REV1: variants seen among roughly 807,000 people sequenced by gnomAD.
The protein encoded by REV1 is REV1 DNA directed polymerase.
Under a neutral mutation model 137.4 loss-of-function variants are expected in REV1, and 42 were observed. The ratio of observed to expected loss-of-function variants is 0.31; its 90% CI spans 0.24 to 0.40. REV1 has a LOEUF of 0.40. Among genes scored for constraint, REV1 ranks in the 10% least tolerant of loss-of-function variants. The probability of loss-of-function intolerance (pLI) is 1.00; values close to 1 mark genes in which losing one functional copy is unlikely to be tolerated. For missense variants in REV1, 1,282 were observed against 1,490.1 expected (o/e 0.86, Z 2.30); for synonymous variants, 524 against 519.2 (o/e 1.01, Z -0.12).
At chr2:99,424,884 C>T in intron 9 of REV1, 1 of 1,302,134 alleles carries the variant, frequency 7.7e-7, no homozygotes, top group South Asian at 1.2e-5. Context: ...GCCAGGGTTC[C>T]AGAACTTTGA....
chr2:99,483,698 T>C (rs904598679), intron 1 of REV1, among the ~76,000 whole-genome samples: 1 of 152,220 alleles, frequency 6.6e-6, no homozygotes, highest in Non-Finnish European at 1.5e-5. Context: ...CAAGAACATA[T>C]CGTTTTATTT....
chr2:99,459,005 A>G (rs375682750), intron 3 of REV1, among the ~76,000 whole-genome samples: 38 of 152,122 alleles, frequency 2.5e-4, no homozygotes, highest in East Asian at 3.9e-4. Flanking sequence ...TCAGGAGATC[A>G]AGACCATACT....
At chr2:99,466,672 T>C (rs1684835060) in intron 1 of REV1, among the ~76,000 whole-genome samples, 1 of 152,220 alleles carries the variant, frequency 6.6e-6, no homozygotes, top group African/African-American at 2.4e-5. Flanking sequence ...TGCAGAAGTG[T>C]TGTCAAAAGG....
chr2:99,475,338 T>C (rs1685853157), intron 1 of REV1, among the ~76,000 whole-genome samples: 1 of 152,134 alleles, frequency 6.6e-6, no homozygotes, highest in Admixed American at 6.5e-5. Context: ...AAGTAACTTG[T>C]GGAATGCTGA....
intron 12 of REV1, 73 bp downstream of exon 12, chr2:99,418,755 A>T: frequency 7.3e-7 from 1 of 1,373,928 alleles, no homozygotes; most frequent in Non-Finnish European, 9.9e-7. Context: ...GAGGTCTCAC[A>T]GTTCTATATT....
intron 14 of REV1, among the ~76,000 whole-genome samples, chr2:99,409,009 C>A (rs184941537): frequency 6.6e-6 from 1 of 152,132 alleles, no homozygotes; most frequent in Non-Finnish European, 1.5e-5. Context: ...CCACTAAAAG[C>A]TGAGCACAGT....
chr2:99,448,267 C>T (rs892518648), intron 4 of REV1, among the ~76,000 whole-genome samples: 2 of 152,152 alleles, frequency 1.3e-5, no homozygotes, highest in African/African-American at 4.8e-5. Flanking sequence ...ATCTCTCATA[C>T]ACTGATTATA....
intron 3 of REV1, among the ~76,000 whole-genome samples, chr2:99,460,207 G>C (rs1280432743): frequency 1.3e-5 from 2 of 152,128 alleles, no homozygotes; most frequent in African/African-American, 4.8e-5. Context: ...CTCCCGAGTA[G>C]CTGGGACTAC....
intron 1 of REV1, among the ~76,000 whole-genome samples, chr2:99,468,342 C>T (rs530601858): frequency 6.6e-6 from 1 of 152,284 alleles, no homozygotes; most frequent in African/African-American, 2.4e-5. Context: ...TTAAATAGGA[C>T]TTTCCCTAGA....
chr2:99,404,535 G>C lies in REV1; in HGVS notation c.2954C>G (p.Pro985Arg). 6.2e-7 allele frequency: 1 copy of C among 1,614,162 alleles called. No homozygotes were observed. The highest frequency in any genetic ancestry group is 8.5e-7 in the Non-Finnish European group (1 of 1,180,008). Residue 985 changes from proline to arginine, a missense_variant, in exon 18 of 23, where the codon CCA (proline) becomes CGA (arginine). Pro to Arg is a moderately radical substitution (Grantham distance 103, BLOSUM62 -2). Around this residue, in one of 7 missense-constraint regions of REV1, gnomAD observed 135 missense variants for 123.3 expected, o/e 1.10. Coordinates refer to ENST00000258428, the MANE Select transcript of REV1 (RefSeq NM_016316.4). ...TATTTGCAACAAGACTGTCCCAACT[G>C]GTTGTGGCAAAATTCCTGTATTACA... ...NGCNTGILPQ[P>R]VGTVLLQIPE...
At chr2:99,406,174 T>A in intron 16 of REV1, 68 bp from the exon 17 acceptor site, 1 of 1,418,478 alleles carries the variant, frequency 7.0e-7, no homozygotes, top group South Asian at 1.5e-5. Flanking sequence ...CCTCTGTCCA[T>A]TACAAATAAA....
intron 9 of REV1, among the ~76,000 whole-genome samples, chr2:99,429,147 G>A (rs1267115872): frequency 6.6e-6 from 1 of 152,026 alleles, no homozygotes; most frequent in Non-Finnish European, 1.5e-5. Flanking sequence ...AAAAAATGAA[G>A]ACTTCTCTTT....
rs547269947 is a variant in REV1 at position 99,439,826 on chromosome 2, T to C, written c.504-516A>G. 7.2e-5 allele frequency among the ~76,000 whole-genome samples: 11 copies of C among 152,332 alleles called. No homozygotes were observed. In the South Asian group the frequency reaches 1.9e-3, roughly 26 times the overall value. ...ATAAAAATGGATTTAAAAACCTTAC[T>C]TGAATTCTTATTCCTAGTTTTAGTT... On this transcript the variant is annotated intron_variant, in intron 5 of 22. Transcript: ENST00000258428.
intron 2 of REV1, among the ~76,000 whole-genome samples, chr2:99,463,414 G>A (rs1210103803): frequency 6.6e-6 from 1 of 152,076 alleles, no homozygotes. Context: ...AGTTACTCAG[G>A]AGGCTGAGGC....
intron 1 of REV1, among the ~76,000 whole-genome samples, chr2:99,489,377 G>A (rs1191882351): frequency 1.3e-5 from 2 of 152,116 alleles, no homozygotes; most frequent in African/African-American, 2.4e-5. Context: ...ACGCCCGAAC[G>A]CGCGCGTGAA....
At chr2:99,416,325 C>T (rs972356621) in intron 12 of REV1, among the ~76,000 whole-genome samples, 1 of 152,202 alleles carries the variant, frequency 6.6e-6, no homozygotes, top group Admixed American at 6.5e-5. Flanking sequence ...ACCCCTCCAC[C>T]ACAGAAGGTT....
intron 9 of REV1, among the ~76,000 whole-genome samples, chr2:99,426,328 C>T (rs1304670067): frequency 6.9e-6 from 1 of 143,894 alleles, no homozygotes; most frequent in Non-Finnish European, 1.5e-5. Context: ...GCCTGGGCAA[C>T]AAGAGCGAAA....
chr2:99,437,416 G>A (rs1680904365), intron 6 of REV1, among the ~76,000 whole-genome samples: 1 of 152,168 alleles, frequency 6.6e-6, no homozygotes. Context: ...AAGAGTGGCA[G>A]AGTAAGGATT....
intron 1 of REV1, among the ~76,000 whole-genome samples, chr2:99,473,181 T>A (rs1276813396): frequency 6.6e-6 from 1 of 151,828 alleles, no homozygotes; most frequent in Non-Finnish European, 1.5e-5. Context: ...GCTTGACCAA[T>A]GTGATGAAAC....
Sources: allele counts gnomAD v4.1 joint callset (sites outside exome capture counted in the v4.1 genomes callset), GRCh38; gene constraint gnomAD v4.1.1; regional missense constraint gnomAD v4.1.1; transcripts MANE v1.5; gene names NCBI Gene and HGNC (gene_info 2026-07-23, HGNC 2026-07-21).